CORO1C: variants seen among roughly 807,000 people sequenced by gnomAD.
The protein encoded by CORO1C is coronin 1C.
Under a neutral mutation model 51.2 loss-of-function variants are expected in CORO1C, and 14 were observed. The ratio of observed to expected loss-of-function variants is 0.27; its 90% CI spans 0.18 to 0.43. The LOEUF (loss-of-function observed/expected upper bound fraction) is 0.43, where lower values mean the gene tolerates loss of function less well. Among genes scored for constraint, CORO1C ranks in the 20% least tolerant of loss-of-function variants. CORO1C has a pLI of 1.00. For synonymous variants in CORO1C, 181 were observed against 210.5 expected (o/e 0.86, Z 1.21); for missense variants, 417 against 607.8 (o/e 0.69, Z 3.30).
At position 108,688,703 on chromosome 12, in the gene CORO1C, T is replaced by A. The variant is rs113229040; in HGVS notation, c.196-10309A>T. On this transcript the variant is annotated intron_variant, in intron 2 of 10. Coordinates refer to ENST00000261401, the MANE Select transcript of CORO1C (RefSeq NM_014325.4). ...AGGTGGATCATCTGAGGTCAGGAGTTCAAGACCAGCCTGGCCAACACGGTG... is the reference window on the plus strand; with the variant it reads ...AGGTGGATCATCTGAGGTCAGGAGTACAAGACCAGCCTGGCCAACACGGTG... Among the ~76,000 whole-genome samples, 876 of 151,752 alleles carry A rather than the reference T, an allele frequency of 5.8e-3. 8 individuals are homozygous for A. Among genetic ancestry groups the A allele is most frequent in the African/African-American group, 0.02 (827 of 41,346 alleles).
At chr12:108,686,124 T>C (rs1047026584) in intron 2 of CORO1C, among the ~76,000 whole-genome samples, 1 of 152,218 alleles carries the variant, frequency 6.6e-6, no homozygotes, top group Non-Finnish European at 1.5e-5. Flanking sequence ...GAAACATCAT[T>C]CTGAAAGACA....
chr12:108,682,680 A>C (rs2034164791), intron 2 of CORO1C, among the ~76,000 whole-genome samples: 1 of 152,216 alleles, frequency 6.6e-6, no homozygotes, highest in Non-Finnish European at 1.5e-5. Flanking sequence ...TGATCTAATG[A>C]ATATATATAA....
intron 1 of CORO1C, among the ~76,000 whole-genome samples, chr12:108,714,239 A>C (rs955095081): frequency 6.6e-6 from 1 of 151,954 alleles, no homozygotes; most frequent in African/African-American, 2.4e-5. Flanking sequence ...AAATACAAAA[A>C]TTAGCAGGGC....
chr12:108,713,890 G>A (rs1007389079), intron 1 of CORO1C, among the ~76,000 whole-genome samples: 5 of 152,154 alleles, frequency 3.3e-5, no homozygotes, highest in Admixed American at 2.0e-4. Context: ...GCCAGTTTGT[G>A]TAACACTTTA....
chr12:108,695,365 T>C (rs945052760), intron 2 of CORO1C, among the ~76,000 whole-genome samples: 4 of 152,176 alleles, frequency 2.6e-5, no homozygotes, highest in Non-Finnish European at 5.9e-5. Context: ...CCTACCACAA[T>C]ATAGTAAGGC....
At chr12:108,649,283 T>G (rs1187273962) in intron 8 of CORO1C, 1 of 509,680 alleles carries the variant, frequency 2.0e-6, no homozygotes, top group Non-Finnish European at 3.5e-6. Flanking sequence ...TGATGACAAA[T>G]GCCAATTATC....
In CORO1C at chr12:108,648,866, G is replaced by C; in HGVS notation, c.1060-16C>G. ...AAAGGTCAGACTACAAGAGACATTT[G>C]GCACCCGTGGGTAAGGAAGAAGAAA... is the stretch of plus-strand genomic sequence containing the variant. On this transcript the variant is annotated splice_polypyrimidine_tract_variant and intron_variant, in intron 9 of 10. Coordinates refer to ENST00000261401, the MANE Select transcript of CORO1C (RefSeq NM_014325.4). The C allele has an allele frequency of 6.2e-7, 1 of 1,613,942 alleles. No individual in the cohort carries two copies. The highest frequency in any genetic ancestry group is 8.5e-7 in the Non-Finnish European group (1 of 1,179,934).
intron 1 of CORO1C, among the ~76,000 whole-genome samples, chr12:108,716,418 C>T (rs2035339047): frequency 6.6e-6 from 1 of 152,114 alleles, no homozygotes; most frequent in South Asian, 2.1e-4. Flanking sequence ...TAGTCACAGG[C>T]AAAACTAGCA....
chr12:108,688,022 C>A (rs911516268), intron 2 of CORO1C, among the ~76,000 whole-genome samples: 2 of 151,318 alleles, frequency 1.3e-5, no homozygotes, highest in African/African-American at 4.9e-5. Flanking sequence ...CTCCCAGGTA[C>A]AGGCGATTCT....
At chr12:108,705,756 A>C (rs1204635813) in intron 1 of CORO1C, among the ~76,000 whole-genome samples, 2 of 152,236 alleles carry the variant, frequency 1.3e-5, no homozygotes, top group Non-Finnish European at 2.9e-5. Context: ...ACACAGAAAA[A>C]GAATTAGAAT....
In CORO1C at chr12:108,658,657, C is replaced by T. The variant is rs1485585389; in HGVS notation, c.630+81G>A. Reference sequence around the variant, plus strand: ...CACAACAGGGTCCCACTGACCAGTACCGCTGCCTGCCTTAAAAAGCAGAAA... The same window carrying T: ...CACAACAGGGTCCCACTGACCAGTATCGCTGCCTGCCTTAAAAAGCAGAAA... On this transcript the variant is annotated intron_variant, in intron 5 of 10. Coordinates refer to ENST00000261401, the MANE Select transcript of CORO1C (RefSeq NM_014325.4). The surrounding 1 kb of genome is among the most constrained non-coding windows in gnomAD (Gnocchi z 4.9). 1 of 1,443,348 alleles carries T rather than the reference C, an allele frequency of 6.9e-7. No homozygotes were observed. The allele number at this position is 1,443,348 out of a possible 1,614,324, so 89.4% of individuals were successfully genotyped here.
chr12:108,711,780 C>T (rs528284281), intron 1 of CORO1C, among the ~76,000 whole-genome samples: 1 of 151,906 alleles, frequency 6.6e-6, no homozygotes, highest in East Asian at 1.9e-4. Flanking sequence ...ATTGCAACAG[C>T]ACCAAATAAA....
rs1316691503 is a variant in CORO1C at position 108,647,248 on chromosome 12, C to T, written c.*155G>A. 1 of 585,404 alleles carries T rather than the reference C, an allele frequency of 1.7e-6. No individual in the cohort carries two copies. The highest frequency in any genetic ancestry group is 2.9e-6 in the Non-Finnish European group (1 of 349,288). 36.3% of individuals were successfully genotyped at this position (585,404 alleles called of 1,614,324 possible). A position where few individuals can be genotyped will look rare whatever the true frequency, so the allele number is the denominator to read the frequency against. On this transcript the variant is annotated 3_prime_UTR_variant, in exon 11 of 11. Coordinates refer to ENST00000261401, the MANE Select transcript of CORO1C (RefSeq NM_014325.4). ...ATTTGGGAGACAAATTGAGTTCTTACTGGAATGTGGCCTATCGCTGGTTGA... is the reference window on the plus strand; with the variant it reads ...ATTTGGGAGACAAATTGAGTTCTTATTGGAATGTGGCCTATCGCTGGTTGA...
chr12:108,711,152 C>T (rs1355109580), intron 1 of CORO1C, among the ~76,000 whole-genome samples: 1 of 151,964 alleles, frequency 6.6e-6, no homozygotes, highest in Non-Finnish European at 1.5e-5. Context: ...GACTAGAGTC[C>T]AGGAGTTCGA....
At position 108,665,735 on chromosome 12, in the gene CORO1C, C is replaced by T. The variant is rs989618664; in HGVS notation, c.319-3577G>A. On this transcript the variant is annotated intron_variant, in intron 3 of 10. Transcript: ENST00000261401. ...TTAACCCTCAGCACAGAGCCAGACA[C>T]ACACATAGTGCCTCCAGAATGCAGA... Among the ~76,000 whole-genome samples, 3 of 152,216 alleles carry T rather than the reference C, an allele frequency of 2.0e-5. No individual in the cohort carries two copies. In the East Asian group the frequency reaches 5.8e-4, roughly 29 times the overall value.
In CORO1C at chr12:108,701,262, T is replaced by C. The variant is rs771369518; in HGVS notation, c.57A>G (p.Lys19=). The stretch of plus-strand genomic sequence containing the variant: ...GGATGTCATCATAGCACTGGTCATT[T>C]TTCACCGCTTGCCCAAATACATGCC... ...KFRHVFGQAV[K]NDQCYDDIRV... is the part of the protein sequence containing the mutation. The change falls in exon 2 of 11, where the codon AAA becomes AAG. Residue 19 remains lysine, a synonymous_variant. Transcript: ENST00000261401. 7 of 1,614,178 alleles carry C rather than the reference T, an allele frequency of 4.3e-6. No homozygotes were observed. The highest frequency in any genetic ancestry group is 5.9e-6 in the Non-Finnish European group (7 of 1,180,022).
intron 1 of CORO1C, among the ~76,000 whole-genome samples, chr12:108,728,903 C>T (rs1039883105): frequency 6.6e-6 from 1 of 152,112 alleles, no homozygotes; most frequent in African/African-American, 2.4e-5. Flanking sequence ...GGAAAACAAG[C>T]TTAAGAGGTT....
At chr12:108,692,394 CAG>C (rs1412608326) in intron 2 of CORO1C, among the ~76,000 whole-genome samples, 1 of 152,246 alleles carries the variant, frequency 6.6e-6, no homozygotes, top group Non-Finnish European at 1.5e-5. Context: ...TTGTCTAAAA[CAG>C]AGTACCACAA....
At chr12:108,667,532 T>C (rs2033531899) in intron 3 of CORO1C, among the ~76,000 whole-genome samples, 1 of 152,232 alleles carries the variant, frequency 6.6e-6, no homozygotes, top group African/African-American at 2.4e-5. Context: ...TGTGTGTTCC[T>C]AACATTTTCT....
Sources: gnomAD v4.1 joint callset for allele counts (sites outside exome capture counted in the v4.1 genomes callset) on GRCh38, gnomAD v4.1.1 for gene constraint, Gnocchi (gnomAD v3.1) non-coding constraint, MANE v1.5 for transcripts, NCBI Gene and HGNC (gene_info 2026-07-23, HGNC 2026-07-21) for gene names.